The following PRKAR1B variants were observed in gnomAD, a reference collection of about 807,000 sequenced individuals.
PRKAR1B encodes the protein protein kinase cAMP-dependent type I regulatory subunit beta, also known as cAMP-dependent protein kinase type I-beta regulatory subunit.
Under a neutral mutation model 46.5 loss-of-function variants are expected in PRKAR1B, and 22 were observed. That is an observed-to-expected ratio of 0.47 (90% CI 0.34 to 0.68). The LOEUF is 0.68. Among genes scored for constraint, PRKAR1B ranks in the 30% least tolerant of loss-of-function variants. PRKAR1B has a pLI of 0.01. For synonymous variants in PRKAR1B, 259 were observed against 217.7 expected, an observed-to-expected ratio of 1.19 and a Z score of -1.67; for missense variants, 445 against 535.6, an observed-to-expected ratio of 0.83 and a Z score of 1.67.
intron 6 of PRKAR1B, among the ~76,000 whole-genome samples, chr7:605,410 C>T (rs1781964665): frequency 6.6e-6 from 1 of 152,252 alleles, no homozygotes; most frequent in Non-Finnish European, 1.5e-5. Flanking sequence ...AGCCTTCACA[C>T]CAGAGCACCC....
At chr7:617,648 G>A (rs1307250583) in intron 4 of PRKAR1B, among the ~76,000 whole-genome samples, 1 of 152,156 alleles carries the variant, frequency 6.6e-6, no homozygotes, top group Non-Finnish European at 1.5e-5. Flanking sequence ...GTCACCGACT[G>A]TCACCCTGGT....
At chr7:715,313 G>A (rs983550723) in intron 1 of PRKAR1B, among the ~76,000 whole-genome samples, 3 of 152,082 alleles carry the variant, frequency 2.0e-5, no homozygotes, top group Admixed American at 6.5e-5. Flanking sequence ...AACACACACT[G>A]ACAACCCCAT....
chr7:682,669 C>G (rs966292894), intron 2 of PRKAR1B, among the ~76,000 whole-genome samples: 7 of 151,242 alleles, frequency 4.6e-5, no homozygotes, highest in African/African-American at 2.4e-5. Flanking sequence ...GGCGTGAACC[C>G]GGGAGTGAGC....
At chr7:704,357 A>G (rs554780504) in intron 2 of PRKAR1B, among the ~76,000 whole-genome samples, 1 of 152,328 alleles carries the variant, frequency 6.6e-6, no homozygotes, top group Admixed American at 6.5e-5. Flanking sequence ...AGGAATGAAA[A>G]CCATCTCAGA....
intron 10 of PRKAR1B, 57 bp downstream of exon 10, chr7:551,332 A>C: frequency 6.6e-7 from 1 of 1,511,830 alleles, no homozygotes; most frequent in Non-Finnish European, 9.0e-7. Flanking sequence ...GCCCCTCCCG[A>C]GACCCCAAAT....
chr7:636,252 T>A (rs71518339), intron 4 of PRKAR1B, among the ~76,000 whole-genome samples: 4 of 6,972 alleles, frequency 5.7e-4, no homozygotes, highest in Non-Finnish European at 8.4e-4. Flanking sequence ...GGCCGCGCCC[T>A]CACGTCCTCC....
chr7:607,898 C>T (rs1276766358), intron 4 of PRKAR1B: 1 of 183,532 alleles, frequency 5.4e-6, no homozygotes, highest in Admixed American at 6.1e-5. Flanking sequence ...GCCTGGGACC[C>T]TTGACACAGA....
At chr7:571,482 G>A (rs1779510355) in intron 9 of PRKAR1B, among the ~76,000 whole-genome samples, 1 of 152,248 alleles carries the variant, frequency 6.6e-6, no homozygotes, top group South Asian at 2.1e-4. Context: ...CCCAAGGGCA[G>A]CTTTGCAACG....
At chr7:584,591 C>G in intron 7 of PRKAR1B, 23 bp from the exon 8 acceptor site, 1 of 1,602,564 alleles carries the variant, frequency 6.2e-7, no homozygotes. Context: ...AAGTAAAAAA[C>G]AGACAAGAAG....
chr7:588,447 A>ATGGTGATGGTGATGG (rs1276698031), intron 7 of PRKAR1B, among the ~76,000 whole-genome samples: 13 of 114,798 alleles, frequency 1.1e-4, no homozygotes, highest in African/African-American at 3.9e-4. Context: ...GACAGTGGTG[A>ATGGTGATGGTGATGG]TGGTGATGGT....
chr7:642,132 G>T (rs1039648794), intron 4 of PRKAR1B, among the ~76,000 whole-genome samples: 1 of 152,092 alleles, frequency 6.6e-6, no homozygotes, highest in African/African-American at 2.4e-5. Flanking sequence ...CTGAGCTCAA[G>T]CGATCCACCC....
At chr7:553,338 C>A (rs975942158) in intron 9 of PRKAR1B, among the ~76,000 whole-genome samples, 4 of 152,238 alleles carry the variant, frequency 2.6e-5, no homozygotes, top group South Asian at 2.1e-4. Flanking sequence ...CTCAGACACT[C>A]CCCGAATTCC....
intron 4 of PRKAR1B, among the ~76,000 whole-genome samples, chr7:625,656 T>C (rs1331739807): frequency 6.6e-6 from 1 of 152,178 alleles, no homozygotes. Flanking sequence ...ACAGGTCCTA[T>C]GGACAAGGGA....
intron 3 of PRKAR1B, among the ~76,000 whole-genome samples, chr7:678,697 G>C (rs1243827833): frequency 4.6e-5 from 7 of 152,274 alleles, no homozygotes; most frequent in Non-Finnish European, 7.3e-5. Context: ...GCTTAGGTGT[G>C]CTGCGTGTAA....
chr7:552,944 T>C (rs373148969), intron 9 of PRKAR1B, among the ~76,000 whole-genome samples: 43 of 152,352 alleles, frequency 2.8e-4, no homozygotes, highest in African/African-American at 9.9e-4. Flanking sequence ...CCCAGATCAA[T>C]GATTAACACA....
upstream of PRKAR1B, chr7:727,559 A>C (rs1331678287): frequency 5.5e-5 from 13 of 236,862 alleles, no homozygotes; most frequent in South Asian, 1.9e-3. Flanking sequence ...CGCGCCCTTC[A>C]GCTGCTCCCT....
Position 727,228 on chromosome 7 carries a change from G to A in PRKAR1B, c.-41C>T. The A allele has an allele frequency of 7.4e-7, 1 of 1,348,746 alleles. No homozygotes were observed. Among genetic ancestry groups the A allele is most frequent in the Non-Finnish European group, 9.5e-7 (1 of 1,050,596 alleles). The allele number at this position is 1,348,746 out of a possible 1,614,324, so 83.5% of individuals were successfully genotyped here. A position where few individuals can be genotyped will look rare whatever the true frequency, so the allele number is the denominator to read the frequency against. On this transcript the variant is annotated 5_prime_UTR_variant, in exon 1 of 11. Transcript: ENST00000537384. ...GCCCCACCTGGACGACGCTCTGCGCGCGCTGCGCTGCTCCCTGCTCGACCC... is the reference window on the plus strand; with the variant it reads ...GCCCCACCTGGACGACGCTCTGCGCACGCTGCGCTGCTCCCTGCTCGACCC...
intron 4 of PRKAR1B, among the ~76,000 whole-genome samples, chr7:620,236 A>C (rs917556664): frequency 1.6e-4 from 24 of 152,156 alleles, no homozygotes; most frequent in Admixed American, 1.0e-3. Context: ...GTAGAGATTA[A>C]TGTGAGGGAG....
At chr7:654,943 T>C (rs940829724) in intron 4 of PRKAR1B, among the ~76,000 whole-genome samples, 7 of 152,192 alleles carry the variant, frequency 4.6e-5, no homozygotes, top group Non-Finnish European at 8.8e-5. Context: ...AGCCCAGCAC[T>C]GGAAACAAAC....
Sources: allele counts gnomAD v4.1 joint callset (sites outside exome capture counted in the v4.1 genomes callset), GRCh38; gene constraint gnomAD v4.1.1; transcripts MANE v1.5; gene names NCBI Gene and HGNC (gene_info 2026-07-23, HGNC 2026-07-21).